The following RYR2 variants were observed in gnomAD, a reference collection of about 807,000 sequenced individuals.
RYR2 encodes the protein cardiac muscle ryanodine receptor-calcium release channel.
RYR2 carries 227 observed loss-of-function variants against 601.1 expected under a neutral mutation model. That is an observed-to-expected ratio of 0.38 (90% CI 0.34 to 0.42). The LOEUF (loss-of-function observed/expected upper bound fraction) is 0.42. RYR2 is among the 10% of genes least tolerant of loss of function. RYR2 has a pLI of 1.00. For synonymous variants in RYR2, 2,223 were observed against 2,175.1 expected (o/e 1.02, Z -0.61); for missense variants, 4,646 against 6,156.5 (o/e 0.75, Z 8.21).
intron 1 of RYR2, among the ~76,000 whole-genome samples, chr1:237,240,686 A>AAC: frequency 6.7e-6 from 1 of 149,734 alleles, no homozygotes; most frequent in South Asian, 2.1e-4. Flanking sequence ...AAAAAAAAAA[A>AAC]AAACAGTGGG....
In RYR2 at chr1:237,810,064, C is replaced by G. The variant is rs138808198; in HGVS notation, c.14433+1029C>G. ...GCAATAAGAAGGAATAATCACAAGACAGAATTTGATGCCTTAAATAATAGT... is the reference window on the plus strand; with the variant it reads ...GCAATAAGAAGGAATAATCACAAGAGAGAATTTGATGCCTTAAATAATAGT... On this transcript the variant is annotated intron_variant, in intron 100 of 104. Coordinates refer to ENST00000366574, the MANE Select transcript of RYR2 (RefSeq NM_001035.3). Among the ~76,000 whole-genome samples the G allele has an allele frequency of 6.5e-3, 991 of 152,138 alleles. 11 individuals are homozygous for G. Among genetic ancestry groups the G allele is most frequent in the South Asian group, 0.02 (99 of 4,830 alleles).
chr1:237,433,033 G>GT (rs57814348), intron 12 of RYR2, among the ~76,000 whole-genome samples: 105,280 of 149,904 alleles, frequency 0.7, 37,316 homozygotes, highest in East Asian at 0.94. Flanking sequence ...GTGACTGTGT[G>GT]TGGGGGGGGG....
chr1:237,701,475 G>A (rs1393152425), intron 65 of RYR2, among the ~76,000 whole-genome samples: 1 of 151,948 alleles, frequency 6.6e-6, no homozygotes, highest in Admixed American at 6.6e-5. Context: ...AGGTTGCAGT[G>A]AGCCAGTATT....
At chr1:237,377,286 G>T in intron 7 of RYR2, 37 bp from the exon 8 acceptor site, 1 of 1,476,678 alleles carries the variant, frequency 6.8e-7, no homozygotes, top group African/African-American at 1.4e-5. Flanking sequence ...TAATTAAGAG[G>T]AACTTTTTCA....
In RYR2 at chr1:237,832,460, T is replaced by C. The variant is rs568417621; in HGVS notation, c.14809-92T>C. The C allele has an allele frequency of 2.8e-4, 208 of 733,488 alleles. No individual in the cohort carries two copies. The South Asian group carries it at 3.6e-3, about 13-fold the overall frequency. 45.4% of individuals were successfully genotyped at this position (733,488 alleles called of 1,614,324 possible). The stretch of plus-strand genomic sequence containing the variant: ...AATTAATGTGGACTTCTCTATTCCG[T>C]GCGATATAGGTAACAGAATTGAGTT... On this transcript the variant is annotated intron_variant, in intron 104 of 104. Transcript: ENST00000366574.
At chr1:237,099,804 C>T (rs1410426153) in intron 1 of RYR2, among the ~76,000 whole-genome samples, 1 of 151,832 alleles carries the variant, frequency 6.6e-6, no homozygotes, top group African/African-American at 2.4e-5. Context: ...CAAGTACTTA[C>T]TCATTTAATC....
chr1:237,466,466 G>A (rs757704057), intron 16 of RYR2, among the ~76,000 whole-genome samples: 1 of 152,062 alleles, frequency 6.6e-6, no homozygotes, highest in African/African-American at 2.4e-5. Flanking sequence ...TACGCCTGGT[G>A]TAATGCCCTT....
intron 20 of RYR2, among the ~76,000 whole-genome samples, chr1:237,498,303 C>T (rs1461103402): frequency 3.9e-5 from 6 of 152,034 alleles, no homozygotes; most frequent in South Asian, 4.1e-4. Context: ...TGTACAAAGG[C>T]GACCTGTGCC....
At chr1:237,400,278 C>T (rs542084042) in intron 10 of RYR2, among the ~76,000 whole-genome samples, 9 of 152,186 alleles carry the variant, frequency 5.9e-5, no homozygotes, top group Non-Finnish European at 8.8e-5. Flanking sequence ...GCAAAGATTT[C>T]TGGGGTCCCC....
intron 4 of RYR2, among the ~76,000 whole-genome samples, chr1:237,361,160 A>G (rs1486180578): frequency 6.6e-6 from 1 of 152,180 alleles, no homozygotes; most frequent in Non-Finnish European, 1.5e-5. Context: ...TCATCATAAG[A>G]GCGATAGTTG....
intron 80 of RYR2, among the ~76,000 whole-genome samples, chr1:237,745,551 C>T (rs1196965455): frequency 7.2e-5 from 11 of 152,086 alleles, no homozygotes; most frequent in Non-Finnish European, 8.8e-5. Context: ...TCAGGGAGAT[C>T]GGTTTGATAA....
At chr1:237,526,731 A>G (rs1410964533) in intron 24 of RYR2, among the ~76,000 whole-genome samples, 1 of 152,038 alleles carries the variant, frequency 6.6e-6, no homozygotes, top group Non-Finnish European at 1.5e-5. Flanking sequence ...TTAGTCCTTC[A>G]TTGGGGGCAT....
At chr1:237,460,590 G>T (rs1305506627) in intron 16 of RYR2, among the ~76,000 whole-genome samples, 1 of 152,114 alleles carries the variant, frequency 6.6e-6, no homozygotes, top group Non-Finnish European at 1.5e-5. Context: ...ATAAATATTT[G>T]CTTGAATTAT....
intron 17 of RYR2, among the ~76,000 whole-genome samples, chr1:237,473,734 C>T (rs1033142453): frequency 7.9e-5 from 12 of 152,124 alleles, no homozygotes; most frequent in African/African-American, 2.9e-4. Context: ...CCTGCCTGTG[C>T]GTTGTTTTCT....
intron 42 of RYR2, among the ~76,000 whole-genome samples, chr1:237,632,011 A>G (rs1032785881): frequency 6.6e-6 from 1 of 152,086 alleles, no homozygotes; most frequent in South Asian, 2.1e-4. Flanking sequence ...TGAAAAAAAC[A>G]CACAAACCTT....
At chr1:237,637,855 C>A (rs899586566) in intron 44 of RYR2, among the ~76,000 whole-genome samples, 1 of 152,072 alleles carries the variant, frequency 6.6e-6, no homozygotes, top group Admixed American at 6.6e-5. Context: ...GCTCTTGGCC[C>A]ACCCAGACAG....
chr1:237,230,617 A>AT (rs1468661023), intron 1 of RYR2, among the ~76,000 whole-genome samples: 1 of 152,144 alleles, frequency 6.6e-6, no homozygotes, highest in Non-Finnish European at 1.5e-5. Context: ...GAATGTTTTT[A>AT]TTTTTAAAAT....
At chr1:237,753,514 T>A (rs902114899) in intron 80 of RYR2, among the ~76,000 whole-genome samples, 2 of 152,218 alleles carry the variant, frequency 1.3e-5, no homozygotes, top group Non-Finnish European at 2.9e-5. Context: ...GTCTGAAATA[T>A]GACCATATTC....
intron 1 of RYR2, among the ~76,000 whole-genome samples, chr1:237,193,475 T>C (rs2211009): frequency 0.21 from 31,145 of 151,908 alleles, 3,731 homozygotes; most frequent in East Asian, 0.34. Context: ...CAAACAAAAA[T>C]ATCTTGAATG....
Sources: gnomAD v4.1 joint callset for allele counts (sites outside exome capture counted in the v4.1 genomes callset) on GRCh38, gnomAD v4.1.1 for gene constraint, MANE v1.5 for transcripts, NCBI Gene and HGNC (gene_info 2026-07-23, HGNC 2026-07-21) for gene names.